The following PTPRD variants were observed in gnomAD, a reference collection of about 807,000 sequenced individuals.
The protein encoded by PTPRD is protein tyrosine phosphatase receptor type D.
In PTPRD, 34 loss-of-function variants were observed where a neutral mutation model predicts 214.5. The ratio of observed to expected loss-of-function variants is 0.16; its 90% CI spans 0.12 to 0.21. PTPRD has a LOEUF of 0.21. Among genes scored for constraint, PTPRD ranks in the 10% least tolerant of loss-of-function variants. The pLI is 1.00. For missense variants in PTPRD, 2,545 were observed against 2,398.7 expected, an observed-to-expected ratio of 1.06 and a Z score of -1.27; for synonymous variants, 1,128 against 845.7, an observed-to-expected ratio of 1.33 and a Z score of -5.79.
chr9:9,819,263 G>T (rs560144950), intron 5 of PTPRD, among the ~76,000 whole-genome samples: 1 of 152,124 alleles, frequency 6.6e-6, no homozygotes, highest in South Asian at 2.1e-4. Flanking sequence ...GAAATTACAG[G>T]TCTCTATAAC....
chr9:8,574,963 A>G (rs933716467), intron 14 of PTPRD, among the ~76,000 whole-genome samples: 1 of 152,106 alleles, frequency 6.6e-6, no homozygotes, highest in African/African-American at 2.4e-5. Context: ...ATAAAGACAA[A>G]TAAAAGCAAA....
intron 8 of PTPRD, among the ~76,000 whole-genome samples, chr9:9,538,982 CAGTA>C (rs1258274495): frequency 6.6e-6 from 1 of 151,828 alleles, no homozygotes; most frequent in South Asian, 2.1e-4. Flanking sequence ...GATGATAGAG[CAGTA>C]AGTAAGACAG....
At chr9:10,101,894 G>A (rs1042465319) in intron 3 of PTPRD, among the ~76,000 whole-genome samples, 2 of 151,560 alleles carry the variant, frequency 1.3e-5, no homozygotes, top group Admixed American at 6.6e-5. Flanking sequence ...GGTGCTGTAA[G>A]GGACAGCATT....
At chr9:10,268,500 T>C (rs2094227659) in intron 3 of PTPRD, among the ~76,000 whole-genome samples, 1 of 152,140 alleles carries the variant, frequency 6.6e-6, no homozygotes, top group Non-Finnish European at 1.5e-5. Flanking sequence ...TAGTTTGGCA[T>C]TCAAGGCTAA....
Position 9,906,387 on chromosome 9 carries a change from A to G in PTPRD, c.-368+32120T>C, listed in dbSNP as rs117965647. On this transcript the variant is annotated intron_variant, in intron 5 of 45. Transcript: ENST00000381196. ...ATTGTTATCGTTGTCTTTATTTTAT[A>G]TAGACTACACTATACAGATAATCAT... Among the ~76,000 whole-genome samples the G allele has an allele frequency of 8.1e-4, 123 of 152,000 alleles. 3 individuals are homozygous for G. The East Asian group carries it at 0.023, about 28-fold the overall frequency.
At chr9:10,078,535 A>AG (rs1420159281) in intron 3 of PTPRD, among the ~76,000 whole-genome samples, 1 of 150,374 alleles carries the variant, frequency 6.7e-6, no homozygotes, top group Non-Finnish European at 1.5e-5. Flanking sequence ...AAAAAAAAAA[A>AG]AAAGAAAGAA....
In PTPRD at chr9:10,102,231, G is replaced by C. The variant is rs184772750; in HGVS notation, c.-544-68441C>G. On this transcript the variant is annotated intron_variant, in intron 3 of 45. Coordinates refer to ENST00000381196, the MANE Select transcript of PTPRD (RefSeq NM_002839.4). ...CATTTTATAATATGCATTATCTTTT[G>C]AGACTCACATTGGATCAAGATATTT... Among the ~76,000 whole-genome samples, 5 of 151,460 alleles carry C rather than the reference G, an allele frequency of 3.3e-5. No homozygotes were observed. In the East Asian group the frequency reaches 9.8e-4, roughly 30 times the overall value.
At chr9:10,361,889 C>T (rs2097399779) in intron 2 of PTPRD, among the ~76,000 whole-genome samples, 2 of 152,106 alleles carry the variant, frequency 1.3e-5, no homozygotes, top group South Asian at 4.1e-4. Flanking sequence ...GAGCAAGGCT[C>T]AGAGCAAATT....
intron 11 of PTPRD, among the ~76,000 whole-genome samples, chr9:8,804,527 G>A (rs895167410): frequency 2.0e-5 from 3 of 152,018 alleles, no homozygotes; most frequent in African/African-American, 7.3e-5. Context: ...GGCACTGGAG[G>A]TCGAGGCTGC....
chr9:9,959,083 A>C lies in PTPRD; in HGVS notation c.-471-20473T>G, dbSNP rs200733939. On this transcript the variant is annotated intron_variant, in intron 4 of 45. Transcript: ENST00000381196. ...ACAGCAGCTTTATTCATAATTTCCC[A>C]AAACTGGAAGCAACCAAGATGTTCA... Among the ~76,000 whole-genome samples, 16 of 152,200 alleles carry C rather than the reference A, an allele frequency of 1.1e-4. No individual in the cohort carries two copies. The East Asian group carries it at 1.5e-3, about 15-fold the overall frequency.
At chr9:9,484,494 G>A (rs566449683) in intron 8 of PTPRD, among the ~76,000 whole-genome samples, 18 of 152,238 alleles carry the variant, frequency 1.2e-4, no homozygotes, top group Admixed American at 7.9e-4. Flanking sequence ...GTCTACGTAT[G>A]CAAACAGTCA....
intron 7 of PTPRD, among the ~76,000 whole-genome samples, chr9:9,696,098 T>C (rs1031158332): frequency 1.3e-5 from 2 of 152,168 alleles, no homozygotes; most frequent in Non-Finnish European, 2.9e-5. Flanking sequence ...CAGTTTTCTA[T>C]TTCTTCAAGA....
At chr9:9,139,808 C>T (rs909392025) in intron 10 of PTPRD, among the ~76,000 whole-genome samples, 7 of 152,146 alleles carry the variant, frequency 4.6e-5, no homozygotes, top group Non-Finnish European at 8.8e-5. Flanking sequence ...AACCACTGTA[C>T]CGGCAACAGT....
intron 2 of PTPRD, among the ~76,000 whole-genome samples, chr9:10,363,922 A>T (rs116517152): frequency 0.016 from 2,347 of 146,682 alleles, 62 homozygotes; most frequent in African/African-American, 0.056. Context: ...TATTATAGGA[A>T]TTTTTTTTGC....
intron 3 of PTPRD, among the ~76,000 whole-genome samples, chr9:10,165,630 A>G (rs565636686): frequency 6.6e-6 from 1 of 151,948 alleles, no homozygotes; most frequent in African/African-American, 2.4e-5. Flanking sequence ...AATTAAGAAT[A>G]AATCATGGCC....
intron 5 of PTPRD, among the ~76,000 whole-genome samples, chr9:9,779,296 CA>C (rs933700620): frequency 5.3e-5 from 8 of 151,484 alleles, no homozygotes; most frequent in South Asian, 2.1e-4. Context: ...TTGGCTTTGA[CA>C]AAAAAAATTT....
intron 4 of PTPRD, among the ~76,000 whole-genome samples, chr9:10,029,446 C>G (rs995770696): frequency 6.6e-6 from 1 of 152,154 alleles, no homozygotes; most frequent in Non-Finnish European, 1.5e-5. Flanking sequence ...GGGAGGGAGG[C>G]TATACCCTGC....
chr9:8,414,928 G>C (rs28714630), intron 35 of PTPRD, among the ~76,000 whole-genome samples: 1 of 70,486 alleles, frequency 1.4e-5, no homozygotes, highest in Admixed American at 1.4e-4. Context: ...AGAGAGGGAG[G>C]GGGAGAGAGA....
intron 2 of PTPRD, among the ~76,000 whole-genome samples, chr9:10,497,095 A>C (rs1267100346): frequency 6.6e-6 from 1 of 151,912 alleles, no homozygotes; most frequent in African/African-American, 2.4e-5. Flanking sequence ...GGAGCTAAAC[A>C]CTGGGCACAC....
Sources: gnomAD v4.1 joint callset for allele counts (sites outside exome capture counted in the v4.1 genomes callset) on GRCh38, gnomAD v4.1.1 for gene constraint, MANE v1.5 for transcripts, NCBI Gene and HGNC (gene_info 2026-07-23, HGNC 2026-07-21) for gene names.